Variants in KIF5B observed in about 807,000 individuals in gnomAD.
KIF5B encodes the protein kinesin-1 heavy chain.
A neutral mutation model predicts 132.8 loss-of-function variants in KIF5B; 49 were observed. The observed-to-expected ratio is 0.37, with a 90% CI of 0.29 to 0.47. The LOEUF is 0.47. KIF5B is among the 20% of genes least tolerant of loss of function. The pLI is 1.00. For missense variants in KIF5B, 780 were observed against 1,144.0 expected, an observed-to-expected ratio of 0.68 and a Z score of 4.59; for synonymous variants, 355 against 369.4, an observed-to-expected ratio of 0.96 and a Z score of 0.45.
At chr10:32,046,384 G>C (rs1841611339) in intron 2 of KIF5B, among the ~76,000 whole-genome samples, 1 of 152,100 alleles carries the variant, frequency 6.6e-6, no homozygotes, top group African/African-American at 2.4e-5. Flanking sequence ...CCTCTTTGTT[G>C]CAGTCATTTA....
At chr10:32,043,056 C>T (rs1043510262) in intron 2 of KIF5B, among the ~76,000 whole-genome samples, 8 of 147,778 alleles carry the variant, frequency 5.4e-5, no homozygotes, top group African/African-American at 1.9e-4. Context: ...GGCGCAACCT[C>T]GGCTCACTGC....
chr10:32,041,592 A>G (rs1841540055), intron 2 of KIF5B, among the ~76,000 whole-genome samples: 1 of 152,088 alleles, frequency 6.6e-6, no homozygotes, highest in African/African-American at 2.4e-5. Context: ...TGTAACACTC[A>G]CTCCTACCTC....
At chr10:32,043,129 A>G (rs1447852204) in intron 2 of KIF5B, among the ~76,000 whole-genome samples, 1 of 151,934 alleles carries the variant, frequency 6.6e-6, no homozygotes, top group East Asian at 1.9e-4. Flanking sequence ...TCAGCCTCCC[A>G]AGTAGCTGGG....
chr10:32,021,974 AAAC>A (rs1038188390), intron 17 of KIF5B, among the ~76,000 whole-genome samples, 163 bp downstream of exon 17: 2 of 152,226 alleles, frequency 1.3e-5, no homozygotes, highest in African/African-American at 4.8e-5. Flanking sequence ...CGCCGTCTCA[AAAC>A]AACAACAAAA....
At chr10:32,040,547 A>G in intron 2 of KIF5B, 90 bp from the exon 3 acceptor site, 1 of 723,076 alleles carries the variant, frequency 1.4e-6, no homozygotes, top group East Asian at 2.6e-5. Flanking sequence ...CAGGGTAGAG[A>G]AAAGGTTAAA....
intron 1 of KIF5B, among the ~76,000 whole-genome samples, chr10:32,051,256 G>C (rs1841690736): frequency 6.6e-6 from 1 of 152,102 alleles, no homozygotes; most frequent in Non-Finnish European, 1.5e-5. Flanking sequence ...ATGAGGTTTT[G>C]CCATGTTGGC....
intron 14 of KIF5B, among the ~76,000 whole-genome samples, chr10:32,030,029 A>G (rs780556406): frequency 6.6e-6 from 1 of 152,254 alleles, no homozygotes; most frequent in Non-Finnish European, 1.5e-5. Flanking sequence ...GAGCAGGGAA[A>G]TAAGTGGTGG....
intron 5 of KIF5B, 146 bp from the exon 6 acceptor site, chr10:32,038,364 C>T: frequency 1.6e-6 from 1 of 624,342 alleles, no homozygotes; most frequent in Admixed American, 2.9e-5. Flanking sequence ...GCAGACCTTA[C>T]AGACACAGCA....
At chr10:32,012,854 G>T (rs764169110) in intron 25 of KIF5B, among the ~76,000 whole-genome samples, 1 of 151,548 alleles carries the variant, frequency 6.6e-6, no homozygotes, top group Admixed American at 6.6e-5. Context: ...GAAAAGGCTT[G>T]CATCTACTGA....
chr10:32,016,491 C>A (rs1011887434), intron 24 of KIF5B, among the ~76,000 whole-genome samples: 9 of 151,866 alleles, frequency 5.9e-5, no homozygotes, highest in East Asian at 1.9e-4. Context: ...ATAAATAAAA[C>A]ACAAAAAAAA....
At chr10:32,029,248 C>G (rs893631773) in intron 14 of KIF5B, among the ~76,000 whole-genome samples, 1 of 152,192 alleles carries the variant, frequency 6.6e-6, no homozygotes, top group African/African-American at 2.4e-5. Context: ...GCTCGAAAAT[C>G]TGGGACTTTT....
At chr10:32,015,912 G>A (rs992829329) in intron 24 of KIF5B, among the ~76,000 whole-genome samples, 2 of 152,124 alleles carry the variant, frequency 1.3e-5, no homozygotes, top group Non-Finnish European at 2.9e-5. Context: ...GAGAGCCTGA[G>A]GTGGGTGGAT....
chr10:32,051,772 G>C (rs1001738976), intron 1 of KIF5B, among the ~76,000 whole-genome samples: 3 of 152,102 alleles, frequency 2.0e-5, no homozygotes, highest in African/African-American at 7.2e-5. Flanking sequence ...ACTGACTCTG[G>C]CTTCCTGGAA....
At chr10:32,045,054 A>T (rs1841592118) in intron 2 of KIF5B, among the ~76,000 whole-genome samples, 1 of 152,232 alleles carries the variant, frequency 6.6e-6, no homozygotes, top group South Asian at 2.1e-4. Flanking sequence ...AGATGCATGT[A>T]TCCTAAACGT....
chr10:32,019,031 A>G (rs1413064746), intron 20 of KIF5B, among the ~76,000 whole-genome samples: 1 of 152,040 alleles, frequency 6.6e-6, no homozygotes, highest in Admixed American at 6.6e-5. Context: ...TCTAAACAAC[A>G]GTCTATTGTT....
At chr10:32,022,074 TAA>T in intron 17 of KIF5B, 64 bp downstream of exon 17, 1 of 761,598 alleles carries the variant, frequency 1.3e-6, no homozygotes, top group Non-Finnish European at 2.2e-6. Flanking sequence ...GTGTGAATAT[TAA>T]GTTTACTACA....
rs1362515799 is a variant in KIF5B at position 32,018,324 on chromosome 10, C to G, written c.2431G>C (p.Val811Leu). Residue 811 changes from valine (V) to leucine (L), a missense_variant, in exon 22 of 26, where the codon GTT (valine) becomes CTT (leucine). Physicochemically the swap from Val to Leu is conservative, Grantham distance 32 (BLOSUM62 1). Coordinates refer to ENST00000302418, the MANE Select transcript of KIF5B (RefSeq NM_004521.3). ...KLFVQDLATR[V>L]KKSAEIDSDD... is the part of the protein sequence containing the mutation. ...CGGCATAGTTACATTACCTTTTTAACTCTTGTAGCCAGGTCCTGAACAAAG... is the reference window on the plus strand; with the variant it reads ...CGGCATAGTTACATTACCTTTTTAAGTCTTGTAGCCAGGTCCTGAACAAAG... 26 of 1,503,430 alleles carry G rather than the reference C, an allele frequency of 1.7e-5. No individual in the cohort carries two copies. Among genetic ancestry groups the G allele is most frequent in the Non-Finnish European group, 2.2e-5 (25 of 1,127,990 alleles). The allele number at this position is 1,503,430 out of a possible 1,614,324, so 93.1% of individuals were successfully genotyped here.
intron 3 of KIF5B, among the ~76,000 whole-genome samples, chr10:32,040,025 A>T (rs1224325622): frequency 6.6e-6 from 1 of 152,210 alleles, no homozygotes; most frequent in Non-Finnish European, 1.5e-5. Flanking sequence ...ATTTTGAGGA[A>T]GGAGGAGCCA....
rs1427949424 is a variant in KIF5B at position 32,056,050 on chromosome 10, G to A, written c.-77C>T. The A allele has an allele frequency of 5.8e-6, 9 of 1,557,142 alleles. No individual in the cohort carries two copies. Among genetic ancestry groups the A allele is most frequent in the Non-Finnish European group, 6.9e-6 (8 of 1,153,542 alleles). ...TTGCAGGGAACGCGCCGGACCTGAG[G>A]GCTTGTGGTCGCGAGGGCCGTGAGA... On this transcript the variant is annotated 5_prime_UTR_variant, in exon 1 of 26. Coordinates refer to ENST00000302418, the MANE Select transcript of KIF5B (RefSeq NM_004521.3).
Sources: allele counts gnomAD v4.1 joint callset (sites outside exome capture counted in the v4.1 genomes callset), GRCh38; gene constraint gnomAD v4.1.1; transcripts MANE v1.5; gene names NCBI Gene and HGNC (gene_info 2026-07-23, HGNC 2026-07-21).